GRIA1: variants seen among roughly 807,000 people sequenced by gnomAD.
GRIA1 encodes glutamate ionotropic receptor AMPA type subunit 1.
A neutral mutation model predicts 99.2 loss-of-function variants in GRIA1; 31 were observed. The observed-to-expected ratio is 0.31, with a 90% CI of 0.23 to 0.42. GRIA1 has a LOEUF of 0.42. Ranked by LOEUF, GRIA1 falls within the 10% of genes least tolerant of loss-of-function variation. The probability of loss-of-function intolerance (pLI) is 1.00; values close to 1 mark genes in which losing one functional copy is unlikely to be tolerated. For missense variants in GRIA1, 782 were observed against 1,157.5 expected (o/e 0.68, Z 4.71); for synonymous variants, 438 against 432.4 (o/e 1.01, Z -0.16).
intron 13 of GRIA1, among the ~76,000 whole-genome samples, chr5:153,785,074 G>T (rs201325640): frequency 6.6e-6 from 1 of 152,116 alleles, no homozygotes; most frequent in East Asian, 1.9e-4. Flanking sequence ...TCCTCCACAG[G>T]CCTATGTGTG....
chr5:153,648,581 A>C (rs923387004), intron 3 of GRIA1, among the ~76,000 whole-genome samples: 1 of 152,232 alleles, frequency 6.6e-6, no homozygotes, highest in African/African-American at 2.4e-5. Context: ...AGTGGATTAA[A>C]ACCAGTAGAA....
chr5:153,522,088 C>T (rs779005185), intron 2 of GRIA1, among the ~76,000 whole-genome samples: 5 of 152,178 alleles, frequency 3.3e-5, no homozygotes, highest in Non-Finnish European at 2.9e-5. Flanking sequence ...GCTGAGTGCT[C>T]CCACACATTG....
intron 11 of GRIA1, among the ~76,000 whole-genome samples, chr5:153,762,958 T>C (rs1022717960): frequency 2.6e-5 from 4 of 152,202 alleles, no homozygotes; most frequent in African/African-American, 9.7e-5. Flanking sequence ...TCTTCAAGTC[T>C]CTTCATCAGG....
At chr5:153,684,152 C>G (rs1258110329) in intron 7 of GRIA1, among the ~76,000 whole-genome samples, 1 of 152,110 alleles carries the variant, frequency 6.6e-6, no homozygotes, top group Non-Finnish European at 1.5e-5. Context: ...TTTGGCATCT[C>G]CCATGTAAAT....
At chr5:153,761,599 C>T (rs994481520) in intron 11 of GRIA1, among the ~76,000 whole-genome samples, 1 of 152,114 alleles carries the variant, frequency 6.6e-6, no homozygotes, top group Non-Finnish European at 1.5e-5. Context: ...TCATGGACAG[C>T]ATTATGGAGG....
chr5:153,794,030 G>T (rs1430181740), intron 13 of GRIA1, among the ~76,000 whole-genome samples: 1 of 152,178 alleles, frequency 6.6e-6, no homozygotes, highest in African/African-American at 2.4e-5. Context: ...ACCTTAATCT[G>T]ACTCTGTCCT....
At chr5:153,726,126 G>C (rs1289159695) in intron 11 of GRIA1, among the ~76,000 whole-genome samples, 1 of 152,138 alleles carries the variant, frequency 6.6e-6, no homozygotes, top group Non-Finnish European at 1.5e-5. Flanking sequence ...TGAACAACCT[G>C]CTTATGAATG....
intron 2 of GRIA1, among the ~76,000 whole-genome samples, chr5:153,600,716 T>C (rs1233164431): frequency 6.6e-6 from 1 of 152,164 alleles, no homozygotes; most frequent in Non-Finnish European, 1.5e-5. Flanking sequence ...CAGAGACACG[T>C]CTACCACCAT....
At chr5:153,524,787 G>A (rs191830819) in intron 2 of GRIA1, among the ~76,000 whole-genome samples, 1 of 152,258 alleles carries the variant, frequency 6.6e-6, no homozygotes, top group East Asian at 1.9e-4. Flanking sequence ...CTTTGTTGAT[G>A]CATTGAAAAA....
At chr5:153,768,549 TTTAATA>T in intron 12 of GRIA1, among the ~76,000 whole-genome samples, 4 of 152,126 alleles carry the variant, frequency 2.6e-5, no homozygotes, top group African/African-American at 9.7e-5. Context: ...AAACTGAAGT[TTTAATA>T]GCAACTATTT....
At chr5:153,557,017 T>C (rs1379160965) in intron 2 of GRIA1, among the ~76,000 whole-genome samples, 1 of 152,204 alleles carries the variant, frequency 6.6e-6, no homozygotes, top group African/African-American at 2.4e-5. Context: ...CAATGGTAAG[T>C]ATTTGTGTAT....
At chr5:153,713,222 G>C (rs1393692419) in intron 11 of GRIA1, among the ~76,000 whole-genome samples, 1 of 152,234 alleles carries the variant, frequency 6.6e-6, no homozygotes, top group African/African-American at 2.4e-5. Flanking sequence ...GGGCCTGGCT[G>C]TCCTGATGAC....
chr5:153,498,476 A>T (rs1160284823), intron 2 of GRIA1, among the ~76,000 whole-genome samples: 1 of 152,242 alleles, frequency 6.6e-6, no homozygotes, highest in African/African-American at 2.4e-5. Flanking sequence ...ATTACACAGC[A>T]TAAAAATGTT....
At chr5:153,783,451 T>C (rs978649773) in intron 13 of GRIA1, among the ~76,000 whole-genome samples, 1 of 152,212 alleles carries the variant, frequency 6.6e-6, no homozygotes. Context: ...TGACACCTGC[T>C]TCTCACAATG....
rs929019581 is a variant in GRIA1 at position 153,491,114 on chromosome 5, G to C, written c.82+144G>C. 5.9e-6 allele frequency: 6 copies of C among 1,021,470 alleles called. No homozygotes were observed. In the Admixed American group the frequency reaches 8.6e-5, roughly 15 times the overall value. The allele number at this position is 1,021,470 out of a possible 1,614,324, so 63.3% of individuals were successfully genotyped here. A position where few individuals can be genotyped will look rare whatever the true frequency, so the allele number is the denominator to read the frequency against. On this transcript the variant is annotated intron_variant, in intron 1 of 15. Transcript: ENST00000285900. ...TGCTGCGGTAACAGAAGGGAGACTT[G>C]GGCTTACAGCCAGAGGAGGGGGCTT...
At chr5:153,715,488 G>T (rs1269703093) in intron 11 of GRIA1, among the ~76,000 whole-genome samples, 1 of 152,048 alleles carries the variant, frequency 6.6e-6, no homozygotes, top group African/African-American at 2.4e-5. Context: ...CCTACTAGCT[G>T]TGTGAGCTTT....
chr5:153,781,734 G>C (rs1764645257), intron 13 of GRIA1, among the ~76,000 whole-genome samples: 1 of 151,172 alleles, frequency 6.6e-6, no homozygotes, highest in Non-Finnish European at 1.5e-5. Context: ...AGGTCTCTTT[G>C]GCCATTACTA....
intron 2 of GRIA1, among the ~76,000 whole-genome samples, chr5:153,511,733 G>A (rs1054731596): frequency 1.2e-4 from 18 of 152,208 alleles, no homozygotes; most frequent in Admixed American, 7.9e-4. Context: ...ACTTTTGACC[G>A]TCACCCAAGG....
intron 2 of GRIA1, among the ~76,000 whole-genome samples, chr5:153,610,306 A>T (rs1303256177): frequency 6.6e-6 from 1 of 152,220 alleles, no homozygotes; most frequent in Non-Finnish European, 1.5e-5. Context: ...AAAACAAACC[A>T]CAGAAAATGA....
Sources: allele counts gnomAD v4.1 joint callset (sites outside exome capture counted in the v4.1 genomes callset), GRCh38; gene constraint gnomAD v4.1.1; transcripts MANE v1.5; gene names NCBI Gene and HGNC (gene_info 2026-07-23, HGNC 2026-07-21).